Variants in GRHL2 observed in about 807,000 individuals in gnomAD.
The protein encoded by GRHL2 is grainyhead-like protein 2 homolog.
A neutral mutation model predicts 83.8 loss-of-function variants in GRHL2; 21 were observed. The observed-to-expected ratio is 0.25, with a 90% CI of 0.18 to 0.36. GRHL2 has a LOEUF of 0.36. Ranked by LOEUF, GRHL2 falls within the 10% of genes least tolerant of loss-of-function variation. The probability of loss-of-function intolerance (pLI) is 1.00; values close to 1 mark genes in which losing one functional copy is unlikely to be tolerated. For missense variants in GRHL2, 623 were observed against 781.8 expected (o/e 0.80, Z 2.42); for synonymous variants, 280 against 278.9 (o/e 1.00, Z -0.04).
intron 12 of GRHL2, among the ~76,000 whole-genome samples, chr8:101,642,625 A>T (rs36094595): frequency 0.096 from 14,580 of 152,180 alleles, 1,381 homozygotes; most frequent in African/African-American, 0.25. Context: ...AAAAACTTCA[A>T]TAAGTTACCA....
At chr8:101,669,727 C>T (rs1290605604), downstream of GRHL2, 1 of 152,026 alleles carries the variant, frequency 6.6e-6, no homozygotes, top group East Asian at 1.9e-4. Context: ...AAGAGTAAAA[C>T]AACAGTGTCT....
the GRHL2 span, among the ~76,000 whole-genome samples, chr8:101,676,542 A>G: frequency 1.3e-5 from 2 of 152,212 alleles, no homozygotes; most frequent in East Asian, 3.8e-4. Context: ...AATGGCGATC[A>G]TTCAAAAGTC....
intron 1 of GRHL2, among the ~76,000 whole-genome samples, chr8:101,498,887 AACACAGTGAAAC>A (rs1447442996): frequency 6.6e-6 from 1 of 152,066 alleles, no homozygotes; most frequent in Non-Finnish European, 1.5e-5. Flanking sequence ...CATCCTGGCT[AACACAGTGAAAC>A]CCCGTCTCTA....
chr8:101,641,514 T>G (rs1813400010), intron 12 of GRHL2, among the ~76,000 whole-genome samples: 1 of 152,222 alleles, frequency 6.6e-6, no homozygotes. Context: ...CATTGCCTTT[T>G]ACAGGTATGG....
At chr8:101,648,753 TCTCC>T (rs752351080) in intron 13 of GRHL2, among the ~76,000 whole-genome samples, 2 of 152,004 alleles carry the variant, frequency 1.3e-5, no homozygotes, top group Non-Finnish European at 2.9e-5. Context: ...CTCTCCCTCT[TCTCC>T]CTTTCTCCCC....
intron 13 of GRHL2, among the ~76,000 whole-genome samples, chr8:101,647,239 C>T (rs1942265440): frequency 6.6e-6 from 1 of 152,164 alleles, no homozygotes; most frequent in African/African-American, 2.4e-5. Flanking sequence ...ATGGCACATG[C>T]CTGTAATCTC....
At chr8:101,518,896 C>A (rs532349904) in intron 1 of GRHL2, among the ~76,000 whole-genome samples, 17 of 152,310 alleles carry the variant, frequency 1.1e-4, no homozygotes, top group African/African-American at 3.8e-4. Flanking sequence ...GTTGATTTAA[C>A]TTCTGTCTCC....
chr8:101,617,253 G>C (rs1057037174), intron 8 of GRHL2, among the ~76,000 whole-genome samples: 5 of 152,148 alleles, frequency 3.3e-5, no homozygotes, highest in African/African-American at 1.2e-4. Flanking sequence ...AGAGCCCAGG[G>C]GTTAGGGCAT....
chr8:101,596,944 G>T (rs1812403578), intron 7 of GRHL2, among the ~76,000 whole-genome samples: 1 of 152,194 alleles, frequency 6.6e-6, no homozygotes, highest in Non-Finnish European at 1.5e-5. Context: ...CACAGCAAAG[G>T]ACATTAGTAA....
intron 7 of GRHL2, among the ~76,000 whole-genome samples, chr8:101,593,599 G>A (rs989508957): frequency 2.0e-5 from 3 of 152,164 alleles, no homozygotes; most frequent in Non-Finnish European, 2.9e-5. Flanking sequence ...AATCCCAGAC[G>A]TAGGAGGTTG....
chr8:101,528,429 T>G (rs983402659), intron 1 of GRHL2, among the ~76,000 whole-genome samples: 10 of 141,716 alleles, frequency 7.1e-5, no homozygotes, highest in Non-Finnish European at 1.4e-4. Context: ...TCTTTTCAGA[T>G]TTTTTTTTTT....
chr8:101,646,896 G>A (rs568489184), intron 13 of GRHL2, among the ~76,000 whole-genome samples: 3 of 152,326 alleles, frequency 2.0e-5, no homozygotes, highest in South Asian at 4.1e-4. Context: ...CACACCTTGT[G>A]AGTTGCTGTC....
At chr8:101,652,292 T>C (rs1405889376) in intron 14 of GRHL2, among the ~76,000 whole-genome samples, 2 of 150,536 alleles carry the variant, frequency 1.3e-5, no homozygotes, top group African/African-American at 4.9e-5. Context: ...TATTGGTATA[T>C]ACAAATGTAT....
intron 7 of GRHL2, among the ~76,000 whole-genome samples, chr8:101,598,204 A>G (rs1316821003): frequency 6.6e-6 from 1 of 151,558 alleles, no homozygotes; most frequent in South Asian, 2.1e-4. Context: ...TAGACCAACT[A>G]TGATTAACTC....
At chr8:101,656,830 G>T (rs1813797439) in intron 14 of GRHL2, among the ~76,000 whole-genome samples, 1 of 150,760 alleles carries the variant, frequency 6.6e-6, no homozygotes, top group South Asian at 2.1e-4. Context: ...GTGTGTTCAT[G>T]TGTCTGTCTG....
chr8:101,528,291 CT>C (rs1204579182), intron 1 of GRHL2, among the ~76,000 whole-genome samples: 2 of 152,132 alleles, frequency 1.3e-5, no homozygotes, highest in Non-Finnish European at 2.9e-5. Flanking sequence ...TTTGTGCTGT[CT>C]TTCCTATTCA....
chr8:101,590,958 AG>A (rs1250080816), intron 7 of GRHL2, among the ~76,000 whole-genome samples: 2 of 152,182 alleles, frequency 1.3e-5, no homozygotes, highest in Non-Finnish European at 2.9e-5. Flanking sequence ...AATAATTAAA[AG>A]GGGTAGTTAT....
At chr8:101,509,021 G>C (rs1379311885) in intron 1 of GRHL2, among the ~76,000 whole-genome samples, 2 of 151,808 alleles carry the variant, frequency 1.3e-5, no homozygotes, top group East Asian at 3.9e-4. Context: ...CGATTTCAAA[G>C]GTCTGCCACT....
intron 8 of GRHL2, among the ~76,000 whole-genome samples, chr8:101,617,459 A>G (rs1662267885): frequency 6.6e-6 from 1 of 152,144 alleles, no homozygotes; most frequent in South Asian, 2.1e-4. Flanking sequence ...TTTGAAATGA[A>G]CTAGATCAGG....
Sources: gnomAD v4.1 joint callset for allele counts (sites outside exome capture counted in the v4.1 genomes callset) on GRCh38, gnomAD v4.1.1 for gene constraint, MANE v1.5 for transcripts, NCBI Gene and HGNC (gene_info 2026-07-23, HGNC 2026-07-21) for gene names.